DLGAP1: variants seen among roughly 807,000 people sequenced by gnomAD.
The protein encoded by DLGAP1 is DLG associated protein 1, also known as disks large-associated protein 1.
A neutral mutation model predicts 90.8 loss-of-function variants in DLGAP1; 11 were observed. That is an observed-to-expected ratio of 0.12 (90% CI 0.08 to 0.20). The LOEUF is 0.20. Ranked by LOEUF, DLGAP1 falls within the 10% of genes least tolerant of loss-of-function variation. The pLI is 1.00. For missense variants in DLGAP1, 1,050 were observed against 1,333.8 expected (o/e 0.79, Z 3.31); for synonymous variants, 558 against 540.7 (o/e 1.03, Z -0.44).
intron 10 of DLGAP1, among the ~76,000 whole-genome samples, chr18:3,532,821 T>C (rs899011177): frequency 1.2e-4 from 18 of 152,128 alleles, no homozygotes; most frequent in Non-Finnish European, 2.9e-5. Context: ...TTAAAATACA[T>C]ACTGATTATA....
chr18:4,198,685 A>G (rs536969174), intron 1 of DLGAP1, among the ~76,000 whole-genome samples: 4 of 152,314 alleles, frequency 2.6e-5, no homozygotes, highest in African/African-American at 9.6e-5. Context: ...ACATCATTTA[A>G]TCTGCCAGAA....
chr18:3,943,739 C>T (rs2072819385), intron 3 of DLGAP1, among the ~76,000 whole-genome samples: 1 of 152,184 alleles, frequency 6.6e-6, no homozygotes, highest in African/African-American at 2.4e-5. Flanking sequence ...TCCTAACCCC[C>T]AGTGTCTCGG....
chr18:4,238,574 G>C (rs981454755), intron 1 of DLGAP1, among the ~76,000 whole-genome samples: 1 of 151,892 alleles, frequency 6.6e-6, no homozygotes, highest in African/African-American at 2.4e-5. Flanking sequence ...CTCGATTTTT[G>C]GTATCCTTCC....
At chr18:4,119,176 C>T (rs1208051554) in intron 2 of DLGAP1, among the ~76,000 whole-genome samples, 4 of 152,274 alleles carry the variant, frequency 2.6e-5, no homozygotes, top group Admixed American at 1.3e-4. Context: ...ACTATAGCCT[C>T]GAACTTCTGG....
intron 7 of DLGAP1, among the ~76,000 whole-genome samples, chr18:3,688,666 C>CACAA (rs1432309306): frequency 7.4e-4 from 27 of 36,510 alleles, no homozygotes; most frequent in African/African-American, 3.0e-3. Flanking sequence ...CACACACACA[C>CACAA]ACCCTACCAA....
intron 8 of DLGAP1, among the ~76,000 whole-genome samples, chr18:3,568,441 C>G (rs983104121): frequency 6.6e-6 from 1 of 152,012 alleles, no homozygotes; most frequent in African/African-American, 2.4e-5. Context: ...ATAACCTATG[C>G]AACAGATTAG....
chr18:3,937,532 A>C (rs1428676631), intron 3 of DLGAP1, among the ~76,000 whole-genome samples: 1 of 152,176 alleles, frequency 6.6e-6, no homozygotes, highest in Non-Finnish European at 1.5e-5. Context: ...ATTACAATTC[A>C]AGGTGAGATT....
intron 1 of DLGAP1, among the ~76,000 whole-genome samples, chr18:4,254,275 T>C (rs1419154616): frequency 1.3e-5 from 2 of 152,192 alleles, no homozygotes; most frequent in Non-Finnish European, 2.9e-5. Flanking sequence ...TGATCCTAAT[T>C]TTTAACAATT....
chr18:3,939,546 C>T (rs2072724068), intron 3 of DLGAP1, among the ~76,000 whole-genome samples: 1 of 151,466 alleles, frequency 6.6e-6, no homozygotes, highest in Non-Finnish European at 1.5e-5. Flanking sequence ...TGGAAAAATA[C>T]CTATGACACC....
At chr18:4,311,326 T>C (rs1457278740) in intron 1 of DLGAP1, among the ~76,000 whole-genome samples, 2 of 152,234 alleles carry the variant, frequency 1.3e-5, no homozygotes, top group African/African-American at 4.8e-5. Flanking sequence ...TCAGCCTTAC[T>C]TTTTAAGAGT....
intron 1 of DLGAP1, among the ~76,000 whole-genome samples, chr18:4,219,027 G>GTT (rs34333673): frequency 0.013 from 1,153 of 91,940 alleles, 31 homozygotes; most frequent in African/African-American, 0.042. Flanking sequence ...TTCTATCTTT[G>GTT]TTTTTTTTTT....
chr18:4,093,327 C>T (rs554707700), intron 2 of DLGAP1, among the ~76,000 whole-genome samples: 20 of 152,104 alleles, frequency 1.3e-4, no homozygotes, highest in Middle Eastern at 3.4e-3. Context: ...TTCCCAGTAA[C>T]GGGAAGAAGG....
rs11389361 is a variant in DLGAP1 at position 4,438,431 on chromosome 18, C to CAAAA, written c.-267+16571_-267+16574dup. 2.1e-3 allele frequency among the ~76,000 whole-genome samples: 111 copies of CAAAA among 52,004 alleles called. 1 individual carries two copies. The highest frequency in any genetic ancestry group is 2.9e-3 in the East Asian group (4 of 1,368). The allele number at this position is 52,004 out of a possible 152,430, so 34.1% of individuals were successfully genotyped here. A position where few individuals can be genotyped will look rare whatever the true frequency, so the allele number is the denominator to read the frequency against. On this transcript the variant is annotated intron_variant, in intron 1 of 12. Transcript: ENST00000315677. ...TGGGTGACAGAGCGAGACTCCATCTCAAAAAAAAAAAAAAAAAAAAAAAGA... is the reference window on the plus strand; with the variant it reads ...TGGGTGACAGAGCGAGACTCCATCTCAAAAAAAAAAAAAAAAAAAAAAAAAAAGA...
chr18:3,640,967 T>C (rs773536165), intron 7 of DLGAP1, among the ~76,000 whole-genome samples: 13 of 152,158 alleles, frequency 8.5e-5, no homozygotes, highest in South Asian at 2.1e-4. Flanking sequence ...TTGCCCACAG[T>C]CATATGGCTA....
At chr18:3,939,693 G>A (rs535548353) in intron 3 of DLGAP1, among the ~76,000 whole-genome samples, 1 of 152,228 alleles carries the variant, frequency 6.6e-6, no homozygotes, top group East Asian at 1.9e-4. Context: ...GAGGCTGGGA[G>A]TGGAGGGGTA....
chr18:4,025,637 GAACA>G (rs1345660557), intron 2 of DLGAP1, among the ~76,000 whole-genome samples: 1 of 152,030 alleles, frequency 6.6e-6, no homozygotes, highest in Non-Finnish European at 1.5e-5. Flanking sequence ...ATTTTTAACA[GAACA>G]AACATATTGT....
chr18:4,030,183 G>A (rs992052148), intron 2 of DLGAP1, among the ~76,000 whole-genome samples: 6 of 152,068 alleles, frequency 3.9e-5, no homozygotes, highest in Non-Finnish European at 8.8e-5. Context: ...AGTAGAGATG[G>A]GGTTTCACCA....
intron 5 of DLGAP1, among the ~76,000 whole-genome samples, chr18:3,762,132 A>G (rs933542044): frequency 6.6e-6 from 1 of 152,210 alleles, no homozygotes; most frequent in Non-Finnish European, 1.5e-5. Flanking sequence ...TAGAAAAATG[A>G]TACTTCTATT....
chr18:3,596,734 C>T (rs2056597123), intron 7 of DLGAP1: 4 of 459,472 alleles, frequency 8.7e-6, no homozygotes, highest in Admixed American at 2.7e-5. Flanking sequence ...GAAGAGACTT[C>T]CTGGAGAAAC....
Sources: allele counts gnomAD v4.1 joint callset (sites outside exome capture counted in the v4.1 genomes callset), GRCh38; gene constraint gnomAD v4.1.1; transcripts MANE v1.5; gene names NCBI Gene and HGNC (gene_info 2026-07-23, HGNC 2026-07-21).